The following DCUN1D4 variants were observed in gnomAD, a reference collection of about 807,000 sequenced individuals.
The protein encoded by DCUN1D4 is DCN1-like protein 4.
DCUN1D4 carries 22 observed loss-of-function variants against 47.9 expected under a neutral mutation model. That is an observed-to-expected ratio of 0.46 (90% CI 0.33 to 0.66). The LOEUF is 0.66. Ranked by LOEUF, DCUN1D4 falls within the 30% of genes least tolerant of loss-of-function variation. The pLI, the probability that DCUN1D4 is intolerant of heterozygous loss-of-function variation, is 0.02. For missense variants in DCUN1D4, 301 were observed against 340.8 expected (o/e 0.88, Z 0.92); for synonymous variants, 121 against 112.2 (o/e 1.08, Z -0.50).
chr4:51,851,185 G>C (rs1225423242), intron 1 of DCUN1D4, among the ~76,000 whole-genome samples: 2 of 152,154 alleles, frequency 1.3e-5, no homozygotes, highest in Non-Finnish European at 2.9e-5. Flanking sequence ...TTTGCTGCCA[G>C]GTGCTGCTGT....
upstream of DCUN1D4, among the ~76,000 whole-genome samples, chr4:51,838,070 G>A (rs1252086162): frequency 2.6e-5 from 4 of 152,070 alleles, no homozygotes; most frequent in Admixed American, 1.3e-4. Context: ...CCAGCTACAC[G>A]ATGAGCCACA....
At chr4:51,877,224 ATTGTCT>A (rs1327547098) in intron 4 of DCUN1D4, among the ~76,000 whole-genome samples, 5 of 152,184 alleles carry the variant, frequency 3.3e-5, no homozygotes, top group African/African-American at 1.2e-4. Context: ...CCCAAGCGAC[ATTGTCT>A]TTGTCAGCCT....
chr4:51,901,113 GT>G (rs1297155257), intron 8 of DCUN1D4, among the ~76,000 whole-genome samples: 3 of 151,986 alleles, frequency 2.0e-5, no homozygotes, highest in Admixed American at 2.0e-4. Flanking sequence ...TTCTTACCCT[GT>G]GCTCACATCA....
At chr4:51,899,885 C>T (rs552598692) in intron 8 of DCUN1D4, among the ~76,000 whole-genome samples, 1 of 152,246 alleles carries the variant, frequency 6.6e-6, no homozygotes, top group South Asian at 2.1e-4. Flanking sequence ...AGCAGTTACC[C>T]TATTTGTCAC....
intron 8 of DCUN1D4, among the ~76,000 whole-genome samples, chr4:51,907,855 A>G (rs1298292339): frequency 1.3e-5 from 2 of 152,210 alleles, no homozygotes; most frequent in Non-Finnish European, 2.9e-5. Flanking sequence ...TTTACAGTTA[A>G]CTATTTTGTT....
intron 9 of DCUN1D4, among the ~76,000 whole-genome samples, chr4:51,912,793 G>A (rs1397638297): frequency 2.0e-5 from 3 of 152,222 alleles, no homozygotes; most frequent in Non-Finnish European, 4.4e-5. Flanking sequence ...ATCTCGTCAA[G>A]TAACCTGCTG....
chr4:51,890,071 G>A (rs987618129), intron 6 of DCUN1D4, among the ~76,000 whole-genome samples: 7 of 124,186 alleles, frequency 5.6e-5, no homozygotes, highest in Non-Finnish European at 3.1e-5. Context: ...AGCATCAAGC[G>A]AAAGCTTCTC....
At chr4:51,886,052 G>T (rs145691238) in intron 5 of DCUN1D4, among the ~76,000 whole-genome samples, 1 of 152,218 alleles carries the variant, frequency 6.6e-6, no homozygotes, top group Non-Finnish European at 1.5e-5. Context: ...GAGATGGAAT[G>T]TGTGGACGCT....
chr4:51,885,253 G>C (rs1010094794), intron 5 of DCUN1D4, among the ~76,000 whole-genome samples: 2 of 152,210 alleles, frequency 1.3e-5, no homozygotes, highest in African/African-American at 2.4e-5. Context: ...AGGAGATCAT[G>C]AGGAGACTGC....
intron 6 of DCUN1D4, 150 bp from the exon 7 acceptor site, chr4:51,891,610 T>G: frequency 1.7e-6 from 1 of 592,546 alleles, no homozygotes; most frequent in Non-Finnish European, 2.8e-6. Context: ...AACTCATTTT[T>G]GAAGTTAACT....
intron 1 of DCUN1D4, among the ~76,000 whole-genome samples, chr4:51,855,218 G>A (rs143146477): frequency 6.6e-6 from 1 of 152,180 alleles, no homozygotes; most frequent in South Asian, 2.1e-4. Flanking sequence ...ACAGAAAGTA[G>A]ATTAGTGGTT....
At chr4:51,866,115 C>G (rs538192214) in intron 3 of DCUN1D4, among the ~76,000 whole-genome samples, 1 of 152,264 alleles carries the variant, frequency 6.6e-6, no homozygotes, top group Admixed American at 6.5e-5. Context: ...TAGGAGTGTT[C>G]TAGGAGTTCA....
intron 4 of DCUN1D4, 50 bp from the exon 5 acceptor site, chr4:51,877,713 A>T: frequency 1.7e-6 from 2 of 1,157,500 alleles, no homozygotes; most frequent in Non-Finnish European, 2.5e-6. Flanking sequence ...CTGCTACTTT[A>T]AAGAACTCAG....
intron 1 of DCUN1D4, among the ~76,000 whole-genome samples, chr4:51,862,093 A>G (rs1379221801): frequency 6.6e-6 from 1 of 152,182 alleles, no homozygotes; most frequent in African/African-American, 2.4e-5. Flanking sequence ...GCATGTCTAT[A>G]TTGGAGGGCC....
In DCUN1D4 at chr4:51,877,784, G is replaced by T; in HGVS notation, c.273G>T (p.Ser91=). The stretch of plus-strand genomic sequence containing the variant: ...CCAGCATGTATAGAAAATATGATTC[G>T]ACTAGAATAAAGACTGAAGAAGAAG... ...RHDSMYRKYD[S]TRIKTEEEAF... is the part of the protein sequence containing the mutation. Residue 91 remains serine, a synonymous_variant, in exon 5 of 11, where the codon TCG becomes TCT. Coordinates refer to ENST00000334635, the MANE Select transcript of DCUN1D4 (RefSeq NM_001040402.3). The T allele has an allele frequency of 1.2e-6, 2 of 1,609,460 alleles. No individual in the cohort carries two copies. The highest frequency in any genetic ancestry group is 2.2e-5 in the South Asian group (2 of 90,126).
rs1162642999 is a variant in DCUN1D4 at position 51,899,253 on chromosome 4, T to C, written c.507-17T>C. 2 of 1,580,474 alleles carry C rather than the reference T, an allele frequency of 1.3e-6. No homozygotes were observed. The highest frequency in any genetic ancestry group is 1.7e-6 in the Non-Finnish European group (2 of 1,168,058). On this transcript the variant is annotated splice_polypyrimidine_tract_variant and intron_variant, in intron 7 of 10. Coordinates refer to ENST00000334635, the MANE Select transcript of DCUN1D4 (RefSeq NM_001040402.3). Reference sequence around the variant, plus strand: ...AATGAACTCAGGTCATAATTTGCCTTTATTCTGTTTTTCTAGATGTGATAC... The same window carrying C: ...AATGAACTCAGGTCATAATTTGCCTCTATTCTGTTTTTCTAGATGTGATAC...
chr4:51,847,638 T>C (rs993064536), intron 1 of DCUN1D4, among the ~76,000 whole-genome samples: 9 of 151,894 alleles, frequency 5.9e-5, no homozygotes, highest in Non-Finnish European at 1.2e-4. Context: ...TTTTTTTTTT[T>C]AGAGGTTGGG....
chr4:51,845,249 C>T (rs538494436), intron 1 of DCUN1D4: 28 of 985,352 alleles, frequency 2.8e-5, no homozygotes, highest in Non-Finnish European at 3.3e-5. Context: ...TGGAGGTACA[C>T]GTAACCCTTG....
intron 5 of DCUN1D4, among the ~76,000 whole-genome samples, chr4:51,886,196 A>G (rs1228682222): frequency 6.6e-6 from 1 of 152,196 alleles, no homozygotes; most frequent in African/African-American, 2.4e-5. Context: ...AATTTTATAG[A>G]GACTATTATG....
Sources: allele counts gnomAD v4.1 joint callset (sites outside exome capture counted in the v4.1 genomes callset), GRCh38; gene constraint gnomAD v4.1.1; transcripts MANE v1.5; gene names NCBI Gene and HGNC (gene_info 2026-07-23, HGNC 2026-07-21).